The following RNF216 variants were observed in gnomAD, a reference collection of about 807,000 sequenced individuals.
The protein encoded by RNF216 is ring finger protein 216.
Under a neutral mutation model 110.8 loss-of-function variants are expected in RNF216, and 72 were observed. The observed-to-expected ratio is 0.65, with a 90% CI of 0.54 to 0.79. RNF216 has a LOEUF of 0.79. Ranked by LOEUF, RNF216 falls within the 30% of genes least tolerant of loss-of-function variation. The pLI is 0.00. For missense variants in RNF216, 1,342 were observed against 1,141.2 expected, an observed-to-expected ratio of 1.18 and a Z score of -2.54; for synonymous variants, 495 against 407.5, an observed-to-expected ratio of 1.21 and a Z score of -2.59.
In RNF216 at chr7:5,652,495, A is replaced by G; in HGVS notation, c.2077T>C (p.Cys693Arg). 1.2e-6 allele frequency: 2 copies of G among 1,613,426 alleles called. No homozygotes were observed. The highest frequency in any genetic ancestry group is 1.7e-6 in the Non-Finnish European group (2 of 1,179,378). Residue 693 changes from cysteine to arginine, a missense_variant, in exon 14 of 17, where the codon TGT becomes CGT. Coordinates refer to ENST00000389902, the MANE Select transcript of RNF216 (RefSeq NM_207111.4). ...PHCRKETCRK[C>R]QGLWKEHNGL... ...TTATGTTCTTTCCAGAGTCCCTGAC[A>G]CTTCCTACAGGTTTCCTGGGGATAA...
At chr7:5,640,598 G>T (rs1787678472) in intron 15 of RNF216, among the ~76,000 whole-genome samples, 1 of 152,144 alleles carries the variant, frequency 6.6e-6, no homozygotes, top group Admixed American at 6.5e-5. Flanking sequence ...AAATCAAGAA[G>T]AAATATTTGA....
chr7:5,717,556 T>C (rs560036797), intron 9 of RNF216, among the ~76,000 whole-genome samples: 6 of 152,220 alleles, frequency 3.9e-5, no homozygotes, highest in African/African-American at 1.4e-4. Flanking sequence ...GAATGATGTA[T>C]GCACAAACTT....
intron 1 of RNF216, among the ~76,000 whole-genome samples, chr7:5,773,716 G>A (rs1796623305): frequency 6.6e-6 from 1 of 151,594 alleles, no homozygotes; most frequent in Non-Finnish European, 1.5e-5. Flanking sequence ...CGACACATGC[G>A]TGCCACCATG....
intron 16 of RNF216, among the ~76,000 whole-genome samples, chr7:5,623,714 G>A (rs1286910374): frequency 1.3e-4 from 20 of 152,172 alleles, no homozygotes; most frequent in Admixed American, 1.2e-3. Context: ...GATCGCAGAT[G>A]TGTGCCAACA....
Position 5,741,411 on chromosome 7 carries a change from T to G in RNF216, c.606A>C (p.Glu202Asp), listed in dbSNP as rs759212195. The change falls in exon 4 of 17, where the codon GAA (glutamate) becomes GAC (aspartate). Residue 202 changes from glutamate (E) to aspartate (D), a missense_variant. Glu to Asp is a conservative substitution (Grantham distance 45). Transcript: ENST00000389902. ...TTGATAACAGCTCTGTCTCTGAGTC[T>G]TCGGATGACTGGTTCTGAGTTTCCA... ...DPLETQNQSS[E>D]DSETELLSNL... The G allele has an allele frequency of 1.1e-5, 17 of 1,614,076 alleles. No individual in the cohort carries two copies. Among genetic ancestry groups the G allele is most frequent in the Non-Finnish European group, 1.4e-5 (16 of 1,180,032 alleles).
At chr7:5,635,202 T>C (rs1368549468) in intron 15 of RNF216, among the ~76,000 whole-genome samples, 1 of 152,048 alleles carries the variant, frequency 6.6e-6, no homozygotes, top group African/African-American at 2.4e-5. Context: ...TCACATGGTG[T>C]TGGCTGTGTG....
At chr7:5,638,346 A>C (rs888815384) in intron 15 of RNF216, among the ~76,000 whole-genome samples, 1 of 152,194 alleles carries the variant, frequency 6.6e-6, no homozygotes, top group African/African-American at 2.4e-5. Context: ...TACAACTTTA[A>C]ACAACTCAGT....
chr7:5,774,990 C>T (rs765533943), intron 1 of RNF216: 1 of 152,094 alleles, frequency 6.6e-6, no homozygotes, highest in African/African-American at 2.4e-5. Flanking sequence ...GGTGATCCAC[C>T]CCCCCGACAC....
rs542927778 is a variant in RNF216 at position 5,697,230 on chromosome 7, C to T, written c.2061+14531G>A. On this transcript the variant is annotated intron_variant, in intron 13 of 16. Transcript: ENST00000389902. ...CCACCACGGCCTGGTCAGGCCCAGA[C>T]CCATGTCGCTCATGCAGAGCCGCAT... 5.1e-4 allele frequency among the ~76,000 whole-genome samples: 78 copies of T among 152,370 alleles called. No individual in the cohort carries two copies. In the Middle Eastern group the frequency reaches 0.01, roughly 20 times the overall value.
intron 13 of RNF216, among the ~76,000 whole-genome samples, chr7:5,666,165 CA>C (rs575439935): frequency 0.13 from 8,303 of 65,462 alleles, 229 homozygotes; most frequent in South Asian, 0.19. Flanking sequence ...GACTCCGTCT[CA>C]AAAAAAAAAA....
chr7:5,699,151 A>G (rs1022702385), intron 13 of RNF216, among the ~76,000 whole-genome samples: 2 of 152,196 alleles, frequency 1.3e-5, no homozygotes, highest in Admixed American at 6.5e-5. Flanking sequence ...CTCATAACCA[A>G]TCTGAGCTTA....
chr7:5,764,670 T>G (rs1294366731), intron 1 of RNF216, among the ~76,000 whole-genome samples: 1 of 151,366 alleles, frequency 6.6e-6, no homozygotes, highest in Non-Finnish European at 1.5e-5. Context: ...AGACTCTTCA[T>G]AAGAAGCAAT....
At chr7:5,634,688 C>T (rs937600688) in intron 15 of RNF216, among the ~76,000 whole-genome samples, 87 of 152,338 alleles carry the variant, frequency 5.7e-4, no homozygotes, top group African/African-American at 1.8e-3. Flanking sequence ...GCACTTCCCC[C>T]ACAAGGACCT....
chr7:5,686,452 A>G (rs948874535), intron 13 of RNF216, among the ~76,000 whole-genome samples: 11 of 152,150 alleles, frequency 7.2e-5, no homozygotes, highest in Non-Finnish European at 1.3e-4. Context: ...GGACAGTCAC[A>G]CAGTGGTGGC....
chr7:5,693,840 A>G lies in RNF216; in HGVS notation c.2061+17921T>C, dbSNP rs374521552. 3.9e-5 allele frequency among the ~76,000 whole-genome samples: 6 copies of G among 152,300 alleles called. No individual in the cohort carries two copies. The East Asian group carries it at 1.2e-3, about 29-fold the overall frequency. On this transcript the variant is annotated intron_variant, in intron 13 of 16. Coordinates refer to ENST00000389902, the MANE Select transcript of RNF216 (RefSeq NM_207111.4). ...CCCAGGCATGCAAAGACAGAGATGGACGCGGGTAGAGACTCTCTGGCCAAC... is the reference window on the plus strand; with the variant it reads ...CCCAGGCATGCAAAGACAGAGATGGGCGCGGGTAGAGACTCTCTGGCCAAC...
At chr7:5,702,104 CT>C (rs1206429251) in intron 13 of RNF216, among the ~76,000 whole-genome samples, 3 of 152,200 alleles carry the variant, frequency 2.0e-5, no homozygotes, top group African/African-American at 7.2e-5. Flanking sequence ...TGACTCTAGA[CT>C]TCCTTGGCTC....
intron 13 of RNF216, among the ~76,000 whole-genome samples, chr7:5,655,639 AC>A (rs1009934482): frequency 2.5e-4 from 38 of 151,824 alleles, no homozygotes; most frequent in African/African-American, 9.2e-4. Flanking sequence ...ACAAGACCAG[AC>A]CATGTAGCTA....
intron 14 of RNF216, chr7:5,650,052 C>T (rs961800452): frequency 2.0e-5 from 3 of 152,032 alleles, no homozygotes; most frequent in African/African-American, 7.2e-5. Context: ...TACATGAATG[C>T]CAGAAGGTTA....
At chr7:5,697,010 GA>G (rs1044617628) in intron 13 of RNF216, among the ~76,000 whole-genome samples, 120 of 152,126 alleles carry the variant, frequency 7.9e-4, no homozygotes, top group African/African-American at 2.7e-3. Flanking sequence ...GGGGGTAGGG[GA>G]AGTCTCCAAA....
Sources: allele counts gnomAD v4.1 joint callset (sites outside exome capture counted in the v4.1 genomes callset), GRCh38; gene constraint gnomAD v4.1.1; transcripts MANE v1.5; gene names NCBI Gene and HGNC (gene_info 2026-07-23, HGNC 2026-07-21).